The following CDK17 variants were observed in gnomAD, a reference collection of about 807,000 sequenced individuals.
CDK17 encodes cyclin dependent kinase 17.
CDK17 carries 24 observed loss-of-function variants against 77.6 expected under a neutral mutation model. The observed-to-expected ratio is 0.31, with a 90% CI of 0.22 to 0.44. The LOEUF (loss-of-function observed/expected upper bound fraction) is 0.44. CDK17 is among the 20% of genes least tolerant of loss of function. CDK17 has a pLI of 1.00. For missense variants in CDK17, 429 were observed against 622.5 expected (o/e 0.69, Z 3.31); for synonymous variants, 203 against 210.4 (o/e 0.96, Z 0.30).
At chr12:96,316,673 T>G (rs10860014) in intron 3 of CDK17, among the ~76,000 whole-genome samples, 6,686 of 107,756 alleles carry the variant, frequency 0.062, 722 homozygotes, top group East Asian at 0.2. Flanking sequence ...AGCCTAACTG[T>G]GAGGCACCCC....
chr12:96,400,287 GCGGCGGGCGCCGA>G lies in CDK17; in HGVS notation c.-344_-332del. 2.6e-6 allele frequency: 1 copy of G among 391,326 alleles called. No individual in the cohort carries two copies. 24.2% of individuals were successfully genotyped at this position (391,326 alleles called of 1,614,324 possible). ...CCCCTCGGAGCAGCCGGGCGCGAGC[GCGGCGGGCGCCGA>G]CGGCGGGCTGAGACTGTCTGGCCGG... On this transcript the variant is annotated 5_prime_UTR_variant, in exon 1 of 17. Transcript: ENST00000261211.
intron 1 of CDK17, among the ~76,000 whole-genome samples, chr12:96,370,331 T>C (rs558018621): frequency 2.0e-5 from 3 of 152,328 alleles, no homozygotes; most frequent in African/African-American, 7.2e-5. Flanking sequence ...TGAATACATT[T>C]TCCTGAAATG....
chr12:96,320,753 A>G (rs1236497377), intron 3 of CDK17, among the ~76,000 whole-genome samples: 16 of 135,308 alleles, frequency 1.2e-4, no homozygotes, highest in African/African-American at 4.2e-4. Flanking sequence ...CTGGCTAGCC[A>G]TATGGAGAAA....
chr12:96,327,036 G>A (rs919588680), intron 2 of CDK17, among the ~76,000 whole-genome samples: 5 of 152,134 alleles, frequency 3.3e-5, no homozygotes, highest in African/African-American at 1.2e-4. Flanking sequence ...AAGGTAACAC[G>A]AGAGATCTAT....
intron 2 of CDK17, among the ~76,000 whole-genome samples, chr12:96,330,948 T>C (rs1379945100): frequency 2.0e-5 from 3 of 152,100 alleles, no homozygotes; most frequent in Non-Finnish European, 4.4e-5. Flanking sequence ...GACAGGTGTG[T>C]TTGTTTGTTT....
chr12:96,377,695 G>A (rs796092642), intron 1 of CDK17, among the ~76,000 whole-genome samples: 2 of 123,866 alleles, frequency 1.6e-5, no homozygotes, highest in Middle Eastern at 4.0e-3. Context: ...TTTTTTTTTC[G>A]TTTTTTTTTT....
At chr12:96,302,870 A>C (rs1952526806) in intron 5 of CDK17, among the ~76,000 whole-genome samples, 1 of 152,312 alleles carries the variant, frequency 6.6e-6, no homozygotes, top group East Asian at 1.9e-4. Context: ...AAAATAAACA[A>C]CACTACTGAA....
chr12:96,368,526 G>T (rs576064478), intron 1 of CDK17, among the ~76,000 whole-genome samples: 39 of 152,222 alleles, frequency 2.6e-4, no homozygotes, highest in South Asian at 6.2e-4. Context: ...GCCCTCTCTG[G>T]GCACCGTGCC....
intron 4 of CDK17, among the ~76,000 whole-genome samples, chr12:96,312,622 A>G (rs917577702): frequency 2.0e-5 from 3 of 152,204 alleles, no homozygotes; most frequent in Admixed American, 6.5e-5. Context: ...TCATCTCAAC[A>G]GCACCAAAAA....
intron 1 of CDK17, among the ~76,000 whole-genome samples, chr12:96,346,862 C>A (rs1277381336): frequency 6.6e-6 from 1 of 151,842 alleles, no homozygotes; most frequent in Non-Finnish European, 1.5e-5. Flanking sequence ...TTGCAGTGAG[C>A]CGAGATCACA....
intron 5 of CDK17, 99 bp downstream of exon 5, chr12:96,310,953 T>C: frequency 7.9e-7 from 1 of 1,273,720 alleles, no homozygotes; most frequent in Non-Finnish European, 1.1e-6. Context: ...TTAGCTATTC[T>C]AAAGTCAAGT....
At chr12:96,285,553 T>C (rs943646865) in intron 13 of CDK17, among the ~76,000 whole-genome samples, 5 of 152,190 alleles carry the variant, frequency 3.3e-5, no homozygotes, top group Admixed American at 1.3e-4. Context: ...TCAAATTTTA[T>C]TGGGAGCCTT....
rs1952208051 is a variant in CDK17, at chr12:96,283,708, A to T, written c.1323-63T>A. On this transcript the variant is annotated intron_variant, in intron 13 of 16. Transcript: ENST00000261211. Reference sequence around the variant, plus strand: ...CTTAGCTGATAAAACTTTTCAGATAAAACTATTTTCTAAGTGTTTTAATCT... The same window carrying T: ...CTTAGCTGATAAAACTTTTCAGATATAACTATTTTCTAAGTGTTTTAATCT... The T allele has an allele frequency of 3.7e-6, 4 of 1,086,822 alleles. No homozygotes were observed. In the East Asian group the frequency reaches 9.5e-5, roughly 26 times the overall value. 67.3% of individuals were successfully genotyped at this position (1,086,822 alleles called of 1,614,324 possible).
At chr12:96,287,288 T>C (rs1952259273) in intron 11 of CDK17, among the ~76,000 whole-genome samples, 2 of 152,024 alleles carry the variant, frequency 1.3e-5, no homozygotes, top group South Asian at 4.1e-4. Context: ...TGTGTGTAAG[T>C]GAAGGAAAAG....
intron 1 of CDK17, among the ~76,000 whole-genome samples, chr12:96,383,404 G>A (rs201593627): frequency 2.6e-3 from 360 of 136,884 alleles, no homozygotes; most frequent in East Asian, 3.5e-3. Flanking sequence ...AAAATTAGAA[G>A]AAAAAAAAAA....
chr12:96,343,021 T>C (rs1036217558), intron 1 of CDK17, among the ~76,000 whole-genome samples: 2 of 152,190 alleles, frequency 1.3e-5, no homozygotes, highest in Non-Finnish European at 2.9e-5. Context: ...TTTCTTTTGA[T>C]AGTATGAATA....
chr12:96,284,213 G>A (rs1034767753), intron 13 of CDK17, among the ~76,000 whole-genome samples: 3 of 152,142 alleles, frequency 2.0e-5, no homozygotes, highest in African/African-American at 7.2e-5. Context: ...GCTCACGCCT[G>A]TAATCCCAGC....
At chr12:96,293,049 A>C (rs561985264) in intron 10 of CDK17, among the ~76,000 whole-genome samples, 72 of 152,374 alleles carry the variant, frequency 4.7e-4, no homozygotes, top group Non-Finnish European at 7.3e-4. Flanking sequence ...TTGCCACATT[A>C]GAAATTAAAA....
chr12:96,366,326 T>G (rs981998452), intron 1 of CDK17, among the ~76,000 whole-genome samples: 3 of 152,220 alleles, frequency 2.0e-5, no homozygotes, highest in African/African-American at 7.2e-5. Context: ...GCAGGCCATT[T>G]TAGTCACTTC....
Sources: gnomAD v4.1 joint callset for allele counts (sites outside exome capture counted in the v4.1 genomes callset) on GRCh38, gnomAD v4.1.1 for gene constraint, MANE v1.5 for transcripts, NCBI Gene and HGNC (gene_info 2026-07-23, HGNC 2026-07-21) for gene names.